Variants in PIGN observed in about 807,000 individuals in gnomAD.
PIGN encodes phosphatidylinositol glycan anchor biosynthesis class N, also known as GPI ethanolamine phosphate transferase 1.
In PIGN, 117 loss-of-function variants were observed where a neutral mutation model predicts 125.4. That is an observed-to-expected ratio of 0.93 (90% CI 0.80 to 1.09). PIGN has a LOEUF of 1.09. PIGN is among the 50% of genes least tolerant of loss of function. The probability of loss-of-function intolerance (pLI) is 0.00; values close to 1 mark genes in which losing one functional copy is unlikely to be tolerated. For synonymous variants in PIGN, 392 were observed against 377.8 expected (o/e 1.04, Z -0.44); for missense variants, 1,075 against 1,094.9 (o/e 0.98, Z 0.26).
chr18:62,130,007 A>C (rs778157738), intron 14 of PIGN, among the ~76,000 whole-genome samples: 5 of 152,142 alleles, frequency 3.3e-5, no homozygotes, highest in Non-Finnish European at 5.9e-5. Context: ...GACACAAGGA[A>C]GAAGACCACT....
chr18:62,083,108 T>G (rs958851059), intron 27 of PIGN, among the ~76,000 whole-genome samples: 5 of 152,090 alleles, frequency 3.3e-5, no homozygotes, highest in African/African-American at 1.2e-4. Flanking sequence ...TCAAATAAAT[T>G]ATATAACCTG....
chr18:62,048,699 T>TC (rs1305862903), intron 30 of PIGN, among the ~76,000 whole-genome samples: 27 of 150,400 alleles, frequency 1.8e-4, no homozygotes, highest in African/African-American at 2.7e-4. Flanking sequence ...TCTTTTCTTT[T>TC]TTTTTTTTTA....
At chr18:62,117,705 T>C (rs982288616) in intron 14 of PIGN, among the ~76,000 whole-genome samples, 9 of 152,250 alleles carry the variant, frequency 5.9e-5, no homozygotes, top group Non-Finnish European at 8.8e-5. Flanking sequence ...TATACATATA[T>C]CATGTATACA....
At position 62,113,070 on chromosome 18, in the gene PIGN, T is replaced by C. The variant is rs564284538; in HGVS notation, c.1434+64A>G. 4 of 1,235,400 alleles carry C rather than the reference T, an allele frequency of 3.2e-6. No individual in the cohort carries two copies. The South Asian group carries it at 5.4e-5, about 17-fold the overall frequency. The allele number at this position is 1,235,400 out of a possible 1,614,324, so 76.5% of individuals were successfully genotyped here. On this transcript the variant is annotated intron_variant, in intron 16 of 30. Coordinates refer to ENST00000640252, the MANE Select transcript of PIGN (RefSeq NM_176787.5). ...TGACTTGCACATCCTATAAACTCAT[T>C]ACACTGGATTCAGTACTAGTGATTT...
intron 17 of PIGN, 47 bp downstream of exon 17, chr18:62,109,787 A>C: frequency 2.6e-6 from 4 of 1,525,598 alleles, no homozygotes; most frequent in Non-Finnish European, 3.6e-6. Flanking sequence ...ATACAGATTT[A>C]ACTGTCAATG....
chr18:62,132,261 T>C (rs939071568), intron 14 of PIGN, among the ~76,000 whole-genome samples: 1 of 152,052 alleles, frequency 6.6e-6, no homozygotes, highest in African/African-American at 2.4e-5. Flanking sequence ...AAATAAAGGG[T>C]CGATGGTACT....
chr18:62,065,372 C>T (rs1416779524), intron 30 of PIGN, among the ~76,000 whole-genome samples: 1 of 152,108 alleles, frequency 6.6e-6, no homozygotes, highest in Admixed American at 6.5e-5. Flanking sequence ...GAATGGAACC[C>T]ATGATGAACT....
intron 22 of PIGN, among the ~76,000 whole-genome samples, chr18:62,100,695 G>A (rs2146310985): frequency 6.6e-6 from 1 of 152,178 alleles, no homozygotes; most frequent in East Asian, 1.9e-4. Context: ...TTTCAGGAAG[G>A]GAAACAGATA....
chr18:62,095,843 T>G lies in PIGN; in HGVS notation c.2180+5A>C. 1 of 1,544,830 alleles carries G rather than the reference T, an allele frequency of 6.5e-7. No homozygotes were observed. Among genetic ancestry groups the G allele is most frequent in the Non-Finnish European group, 8.9e-7 (1 of 1,117,372 alleles). The stretch of plus-strand genomic sequence containing the variant: ...TATAAAATTAAATTGTTAAAAAGTT[T>G]ATACCCTGTGCTTAGAAGTAGGTAG... On this transcript the variant is annotated splice_donor_5th_base_variant and intron_variant, in intron 23 of 30. Transcript: ENST00000640252.
In PIGN at chr18:62,041,645, G is replaced by GTT. The variant is rs1457502024; in HGVS notation, c.*4210_*4211insAA. 9.7e-4 allele frequency: 73 copies of GTT among 75,050 alleles called. No individual in the cohort carries two copies. The highest frequency in any genetic ancestry group is 3.5e-3 in the African/African-American group (69 of 19,760). 4.6% of individuals were successfully genotyped at this position (75,050 alleles called of 1,614,324 possible). On this transcript the variant is annotated 3_prime_UTR_variant, in exon 31 of 31. Transcript: ENST00000640252. ...AGGAGCCTACCACCCCGCCGGGTGT[G>GTT]TGTGTGTGTGTGTGTGTGTGTGTGT...
chr18:62,103,014 A>T (rs1157355964), intron 20 of PIGN, 112 bp from the exon 21 acceptor site: 1 of 475,296 alleles, frequency 2.1e-6, no homozygotes, highest in Non-Finnish European at 3.6e-6. Context: ...CATTTGGCTT[A>T]ATCAAGAGGA....
chr18:62,051,547 T>C (rs1321154830), intron 30 of PIGN, among the ~76,000 whole-genome samples: 4 of 151,938 alleles, frequency 2.6e-5, no homozygotes, highest in Non-Finnish European at 4.4e-5. Context: ...TGGTGGTGAT[T>C]TCCCCTTTAT....
rs976776663 is a variant in PIGN at position 62,110,136 on chromosome 18, T to G, written c.1435-163A>C. 3.0e-5 allele frequency: 18 copies of G among 594,914 alleles called. No homozygotes were observed. In the African/African-American group the frequency reaches 3.4e-4, roughly 11 times the overall value. The allele number at this position is 594,914 out of a possible 1,614,324, so 36.9% of individuals were successfully genotyped here. On this transcript the variant is annotated intron_variant, in intron 16 of 30. Coordinates refer to ENST00000640252, the MANE Select transcript of PIGN (RefSeq NM_176787.5). Reference sequence around the variant, plus strand: ...CATTAAGACAAGGAAAAAAATCTATTATTTGAGGAGCATATTAGAGAGGAA... The same window carrying G: ...CATTAAGACAAGGAAAAAAATCTATGATTTGAGGAGCATATTAGAGAGGAA...
At chr18:62,097,131 C>G (rs1175267921) in intron 22 of PIGN, among the ~76,000 whole-genome samples, 1 of 145,584 alleles carries the variant, frequency 6.9e-6, no homozygotes, top group Non-Finnish European at 1.5e-5. Flanking sequence ...TCAGAGTGAA[C>G]AGGCAACCTA....
chr18:62,160,681 G>A (rs1351280516), intron 4 of PIGN, among the ~76,000 whole-genome samples: 1 of 151,882 alleles, frequency 6.6e-6, no homozygotes, highest in Non-Finnish European at 1.5e-5. Flanking sequence ...CTAATTTTTT[G>A]TATTTTTAGT....
At chr18:62,134,759 A>C (rs1205116318) in intron 14 of PIGN, among the ~76,000 whole-genome samples, 1 of 152,236 alleles carries the variant, frequency 6.6e-6, no homozygotes, top group African/African-American at 2.4e-5. Context: ...ACAATGTTCA[A>C]ATGAATTCCC....
At chr18:62,183,771 C>G (rs1367295087) in intron 1 of PIGN, among the ~76,000 whole-genome samples, 2 of 151,856 alleles carry the variant, frequency 1.3e-5, no homozygotes, top group African/African-American at 4.8e-5. Context: ...GCAATATGCA[C>G]TACAGCCACT....
At position 62,072,727 on chromosome 18, in the gene PIGN, T is replaced by C. The variant is rs1568143319; in HGVS notation, c.2620-2A>G. On this transcript the variant is annotated splice_acceptor_variant, in intron 29 of 30. Coordinates refer to ENST00000640252, the MANE Select transcript of PIGN (RefSeq NM_176787.5). LOFTEE classifies it high-confidence loss of function. The stretch of plus-strand genomic sequence containing the variant: ...ATCCTTGACCAAGAAGAAAAAATGC[T>C]GTAAAAAAAAAAAAAGGCTTAATGA... The C allele has an allele frequency of 6.5e-7, 1 of 1,534,718 alleles. No individual in the cohort carries two copies.
chr18:62,174,337 G>C (rs1337408876), intron 1 of PIGN: 2 of 151,904 alleles, frequency 1.3e-5, no homozygotes, highest in African/African-American at 2.4e-5. Context: ...CAAATTATAT[G>C]ATCTTTTAGA....
Sources: allele counts gnomAD v4.1 joint callset (sites outside exome capture counted in the v4.1 genomes callset), GRCh38; gene constraint gnomAD v4.1.1; transcripts MANE v1.5; gene names NCBI Gene and HGNC (gene_info 2026-07-23, HGNC 2026-07-21).